The following SF3B3 variants were observed in gnomAD, a reference collection of about 807,000 sequenced individuals.
SF3B3 encodes the protein SAP 130.
A neutral mutation model predicts 139.2 loss-of-function variants in SF3B3; 33 were observed. That is an observed-to-expected ratio of 0.24 (90% confidence interval 0.18 to 0.32). The LOEUF (loss-of-function observed/expected upper bound fraction) is 0.32, where lower values mean the gene tolerates loss of function less well. Ranked by LOEUF, SF3B3 falls within the 10% of genes least tolerant of loss-of-function variation. The pLI is 1.00. For missense variants in SF3B3, 818 were observed against 1,509.4 expected, an observed-to-expected ratio of 0.54 and a Z score of 7.59; for synonymous variants, 596 against 563.6, an observed-to-expected ratio of 1.06 and a Z score of -0.81.
intron 17 of SF3B3, among the ~76,000 whole-genome samples, chr16:70,562,876 T>C (rs1312390823): frequency 6.6e-6 from 1 of 152,184 alleles, no homozygotes; most frequent in East Asian, 1.9e-4. Context: ...TTGTACAGGT[T>C]GGAGTGCAGT....
Position 70,567,526 on chromosome 16 carries a change from G to A in SF3B3, c.2942G>A (p.Cys981Tyr). ...GGAAAGAAGAAGTTACTCCGAAAATGTGAGAATAAGGTAAGTGTGCTGGCA... is the reference window on the plus strand; with the variant it reads ...GGAAAGAAGAAGTTACTCCGAAAATATGAGAATAAGGTAAGTGTGCTGGCA... ...DLGKKKLLRK[C>Y]ENKHIANYIS... Residue 981 changes from cysteine to tyrosine, a missense_variant, in exon 21 of 26, where the codon TGT (cysteine) becomes TAT (tyrosine). Physicochemically the swap from Cys to Tyr is radical, Grantham distance 194. Coordinates refer to ENST00000302516, the MANE Select transcript of SF3B3 (RefSeq NM_012426.5). The A allele has an allele frequency of 1.2e-6, 2 of 1,613,686 alleles. No individual in the cohort carries two copies. Among genetic ancestry groups the A allele is most frequent in the Non-Finnish European group, 1.7e-6 (2 of 1,179,772 alleles).
Position 70,576,048 on chromosome 16 carries a change from C to T in SF3B3, c.*4235C>T, listed in dbSNP as rs1219931530. The stretch of plus-strand genomic sequence containing the variant: ...GCCTAGGAAACAGACCCCATCTCTA[C>T]AAAAAATTCAAAAAGCCGGGCGTGA... On this transcript the variant is annotated 3_prime_UTR_variant, in exon 26 of 26. Transcript: ENST00000302516. 6.6e-6 allele frequency: 1 copy of T among 150,570 alleles called. No homozygotes were observed. Among genetic ancestry groups the T allele is most frequent in the Non-Finnish European group, 1.5e-5 (1 of 67,796 alleles). 9.3% of individuals were successfully genotyped at this position (150,570 alleles called of 1,614,324 possible).
chr16:70,525,281 C>A (rs1013637861), intron 1 of SF3B3, among the ~76,000 whole-genome samples: 1 of 152,176 alleles, frequency 6.6e-6, no homozygotes, highest in African/African-American at 2.4e-5. Context: ...TTTGCCTCGG[C>A]CTCCCAAAGT....
chr16:70,545,718 C>T (rs904983424), intron 10 of SF3B3, among the ~76,000 whole-genome samples: 2 of 152,088 alleles, frequency 1.3e-5, no homozygotes, highest in African/African-American at 2.4e-5. Flanking sequence ...CACTTAATAG[C>T]TATTACTAAG....
intron 6 of SF3B3, among the ~76,000 whole-genome samples, chr16:70,536,807 C>CT (rs34747226): frequency 0.36 from 43,699 of 122,460 alleles, 8,253 homozygotes; most frequent in South Asian, 0.57. Flanking sequence ...AATTTTCTTT[C>CT]TTTTTTTTTT....
intron 8 of SF3B3, among the ~76,000 whole-genome samples, chr16:70,539,439 C>T (rs535204085): frequency 7.2e-5 from 11 of 151,916 alleles, no homozygotes; most frequent in African/African-American, 2.2e-4. Flanking sequence ...TCCCAGCTAC[C>T]GGGGAGGCTG....
chr16:70,571,814 G>T lies in SF3B3; in HGVS notation c.*1G>T. ...TATCCGGACCCGCTACGCCTTCTGAGCCCTCCTTTCCCGGTGGGGCTTGCC... is the reference window on the plus strand; with the variant it reads ...TATCCGGACCCGCTACGCCTTCTGATCCCTCCTTTCCCGGTGGGGCTTGCC... On this transcript the variant is annotated 3_prime_UTR_variant, in exon 26 of 26. Transcript: ENST00000302516. The T allele has an allele frequency of 6.2e-7, 1 of 1,610,890 alleles. No individual in the cohort carries two copies. Among genetic ancestry groups the T allele is most frequent in the Non-Finnish European group, 8.5e-7 (1 of 1,179,046 alleles).
At chr16:70,562,623 C>T (rs2050439613) in intron 17 of SF3B3, among the ~76,000 whole-genome samples, 2 of 152,126 alleles carry the variant, frequency 1.3e-5, no homozygotes, top group South Asian at 4.1e-4. Flanking sequence ...CAGTGTTCCC[C>T]TTGTCTTTTA....
intron 11 of SF3B3, among the ~76,000 whole-genome samples, chr16:70,549,691 C>T (rs1250442977): frequency 6.6e-6 from 1 of 151,930 alleles, no homozygotes; most frequent in Non-Finnish European, 1.5e-5. Flanking sequence ...ATTGGGAGGC[C>T]GAGGTGGGCG....
At position 70,526,568 on chromosome 16, in the gene SF3B3, C is replaced by T; in HGVS notation, c.-70-19C>T. ...AAGTAATAGTCTCCCAGCTATTTTT[C>T]TGTTTTCTGTTTTCTTAGCTTTCTT... On this transcript the variant is annotated intron_variant, in intron 1 of 25. Transcript: ENST00000302516. 1.2e-6 allele frequency: 1 copy of T among 850,146 alleles called. No homozygotes were observed. Among genetic ancestry groups the T allele is most frequent in the Non-Finnish European group, 1.9e-6 (1 of 523,750 alleles). 52.7% of individuals were successfully genotyped at this position (850,146 alleles called of 1,614,324 possible).
rs1268402401 is a variant in SF3B3, at chr16:70,556,344, A to G, written c.1866+10A>G. 6.2e-7 allele frequency: 1 copy of G among 1,613,818 alleles called. No homozygotes were observed. The highest frequency in any genetic ancestry group is 8.5e-7 in the Non-Finnish European group (1 of 1,179,958). On this transcript the variant is annotated intron_variant, in intron 14 of 25. Coordinates refer to ENST00000302516, the MANE Select transcript of SF3B3 (RefSeq NM_012426.5). ...CTCCCTGGATCCCTCAGTGAGTGAC[A>G]CTCTGAGCTTCAAGGATCATCTGGT...
intron 11 of SF3B3, 175 bp downstream of exon 11, chr16:70,548,617 A>C: frequency 1.7e-6 from 1 of 573,280 alleles, no homozygotes; most frequent in Non-Finnish European, 3.1e-6. Context: ...TTCACCTACC[A>C]TTTCTTTTTG....
intron 13 of SF3B3, 70 bp downstream of exon 13, chr16:70,555,276 A>G (rs1455513083): frequency 7.2e-7 from 1 of 1,381,546 alleles, no homozygotes; most frequent in Non-Finnish European, 1.0e-6. Context: ...ATTGTAGTCT[A>G]GTCATTTAGA....
intron 9 of SF3B3, 69 bp downstream of exon 9, chr16:70,541,903 G>C: frequency 2.2e-6 from 3 of 1,339,234 alleles, no homozygotes; most frequent in Non-Finnish European, 3.1e-6. Flanking sequence ...CTAAGAAATA[G>C]CTTTATTAGT....
At position 70,565,487 on chromosome 16, in the gene SF3B3, T is replaced by C. The variant is rs779616355; in HGVS notation, c.2789T>C (p.Leu930Pro). Residue 930 changes from leucine to proline, a missense_variant, in exon 20 of 26, where the codon CTT becomes CCT. This residue lies in a region of SF3B3 where 145 missense variants were observed against 153.6 expected (regional missense o/e 0.94). Transcript: ENST00000302516. Reference protein sequence around the residue: ...VAGGFVYTYKLVNNGEKLEFL... With the variant: ...VAGGFVYTYKPVNNGEKLEFL... ...GGGGGCTTCGTCTATACTTACAAGC[T>C]TGTGAACAATGGGGAAAAACTGGAG... 6.2e-7 allele frequency: 1 copy of C among 1,614,130 alleles called. No homozygotes were observed. The highest frequency in any genetic ancestry group is 1.1e-5 in the South Asian group (1 of 91,080).
Position 70,556,707 on chromosome 16 carries a change from G to A in SF3B3, c.1867-179G>A, listed in dbSNP as rs577021341. On this transcript the variant is annotated intron_variant, in intron 14 of 25. Transcript: ENST00000302516. ...AAAAGGAGGAAAGCATGATCTTCCC[G>A]AAGCTTATTCTGAAATTGGGTGTAA... 34 of 656,300 alleles carry A rather than the reference G, an allele frequency of 5.2e-5. No individual in the cohort carries two copies. In the South Asian group the frequency reaches 5.3e-4, roughly 10 times the overall value. The allele number at this position is 656,300 out of a possible 1,614,324, so 40.7% of individuals were successfully genotyped here.
chr16:70,565,912 T>G (rs2050471200), intron 20 of SF3B3, among the ~76,000 whole-genome samples: 1 of 151,394 alleles, frequency 6.6e-6, no homozygotes, highest in Admixed American at 6.6e-5. Context: ...AGGTCAGGAG[T>G]TCGAGACCAG....
chr16:70,547,015 G>A (rs1211494602), intron 10 of SF3B3, among the ~76,000 whole-genome samples: 1 of 149,548 alleles, frequency 6.7e-6, no homozygotes, highest in Non-Finnish European at 1.5e-5. Flanking sequence ...GCGACAGAGC[G>A]AGACTCCGTC....
chr16:70,544,288 C>G (rs1379844293), intron 9 of SF3B3, 150 bp from the exon 10 acceptor site: 4 of 595,654 alleles, frequency 6.7e-6, no homozygotes, highest in Non-Finnish European at 1.2e-5. Flanking sequence ...TTTGTCAAAA[C>G]TACAATACAG....
Sources: gnomAD v4.1 joint callset for allele counts (sites outside exome capture counted in the v4.1 genomes callset) on GRCh38, gnomAD v4.1.1 for gene constraint, gnomAD v4.1.1 regional missense constraint, MANE v1.5 for transcripts, NCBI Gene and HGNC (gene_info 2026-07-23, HGNC 2026-07-21) for gene names.